The following RIOK3 variants were observed in gnomAD, a reference collection of about 807,000 sequenced individuals.
RIOK3 encodes the protein serine/threonine-protein kinase RIO3.
A neutral mutation model predicts 63.5 loss-of-function variants in RIOK3; 40 were observed. The observed-to-expected ratio is 0.63, with a 90% CI of 0.49 to 0.82. The LOEUF is 0.82. Among genes scored for constraint, RIOK3 ranks in the 40% least tolerant of loss-of-function variants. The pLI is 0.00. For missense variants in RIOK3, 557 were observed against 637.0 expected, an observed-to-expected ratio of 0.87 and a Z score of 1.35; for synonymous variants, 193 against 205.0, an observed-to-expected ratio of 0.94 and a Z score of 0.50.
At chr18:23,455,264 G>T (rs2057331389) in intron 1 of RIOK3, among the ~76,000 whole-genome samples, 1 of 151,818 alleles carries the variant, frequency 6.6e-6, no homozygotes, top group African/African-American at 2.4e-5. Context: ...TTGTAGAGAT[G>T]GGATTTCACC....
chr18:23,459,569 G>T (rs1371422851), intron 1 of RIOK3, among the ~76,000 whole-genome samples: 1 of 152,216 alleles, frequency 6.6e-6, no homozygotes, highest in Non-Finnish European at 1.5e-5. Flanking sequence ...CATTGAGACA[G>T]CCTTATAGAG....
rs1203183120 is a variant in RIOK3, at chr18:23,475,097, AAACTCTTCATGT to A, written c.1166_1173+4del. 3 of 1,610,202 alleles carry A rather than the reference AAACTCTTCATGT, an allele frequency of 1.9e-6. No individual in the cohort carries two copies. The highest frequency in any genetic ancestry group is 2.5e-6 in the Non-Finnish European group (3 of 1,178,360). On this transcript the variant is annotated splice_donor_variant and coding_sequence_variant, in exon 9 of 13. Transcript: ENST00000339486. LOFTEE classifies it high-confidence loss of function. The stretch of plus-strand genomic sequence containing the variant: ...GAAGAAATGAAAGAAGCCTACTATC[AAACTCTTCATGT>A]AAGTTGTGCTTTTAAAAGAATTCAC...
At position 23,481,988 on chromosome 18, in the gene RIOK3, A is replaced by C. The variant is rs1193546351; in HGVS notation, c.*709A>C. ...GTCAACTTTCAGCTTTTCTACATTT[A>C]GGTAAAATGGTTAGGATATAACTCA... On this transcript the variant is annotated 3_prime_UTR_variant, in exon 13 of 13. Coordinates refer to ENST00000339486, the MANE Select transcript of RIOK3 (RefSeq NM_003831.5). 1 of 152,242 alleles carries C rather than the reference A, an allele frequency of 6.6e-6. No individual in the cohort carries two copies. Among genetic ancestry groups the C allele is most frequent in the East Asian group, 1.9e-4 (1 of 5,206 alleles). The allele number at this position is 152,242 out of a possible 1,614,324, so 9.4% of individuals were successfully genotyped here.
chr18:23,480,555 G>GCACGCACACA (rs1555621688), intron 12 of RIOK3, among the ~76,000 whole-genome samples: 22 of 142,096 alleles, frequency 1.5e-4, no homozygotes, highest in East Asian at 6.3e-4. Flanking sequence ...TTGGATGCAC[G>GCACGCACACA]CACACACACA....
chr18:23,473,452 G>T lies in RIOK3; in HGVS notation c.839G>T (p.Ser280Ile), dbSNP rs376972912. 15 of 1,609,674 alleles carry T rather than the reference G, an allele frequency of 9.3e-6. No individual in the cohort carries two copies. Among genetic ancestry groups the T allele is most frequent in the Non-Finnish European group, 1.2e-5 (14 of 1,178,082 alleles). The change falls in exon 8 of 13, where the codon AGT (serine) becomes ATT (isoleucine). Residue 280 changes from serine (S) to isoleucine (I), a missense_variant. By Grantham distance (142) the Ser-to-Ile change is moderately radical. This residue lies in a region of RIOK3 where 309 missense variants were observed against 338.7 expected (regional missense o/e 0.91). Coordinates refer to ENST00000339486, the MANE Select transcript of RIOK3 (RefSeq NM_003831.5). Reference sequence around the variant, plus strand: ...AGCATGGAGGATGAAAAGGAAGATAGTAAAGTTATACCTACAGAATGTGCC... The same window carrying T: ...AGCATGGAGGATGAAAAGGAAGATATTAAAGTTATACCTACAGAATGTGCC... ...GGSMEDEKED[S>I]KVIPTECAIK...
At chr18:23,480,345 C>T (rs1185809303) in intron 12 of RIOK3, among the ~76,000 whole-genome samples, 3 of 152,136 alleles carry the variant, frequency 2.0e-5, no homozygotes, top group Non-Finnish European at 4.4e-5. Flanking sequence ...ATTCTTCCAG[C>T]ACAATACAGT....
intron 9 of RIOK3, among the ~76,000 whole-genome samples, chr18:23,475,617 A>G (rs1280877857): frequency 6.6e-6 from 1 of 152,196 alleles, no homozygotes; most frequent in Non-Finnish European, 1.5e-5. Context: ...CAAGAAATAG[A>G]GCAAGACCCT....
At position 23,463,065 on chromosome 18, in the gene RIOK3, T is replaced by C; in HGVS notation, c.165T>C (p.Val55=). ...TGCAGTTAGAAGAAGAAGCTGCCGT[T>C]TTTCCTGAAGTTGCGTAAGTAAAAT... is the stretch of plus-strand genomic sequence containing the variant. ...KELQLEEEAA[V]FPEVAVAEGP... Residue 55 remains valine (V), a synonymous_variant, in exon 2 of 13, where the codon GTT becomes GTC. Transcript: ENST00000339486. 1 of 1,607,460 alleles carries C rather than the reference T, an allele frequency of 6.2e-7. No individual in the cohort carries two copies. Among genetic ancestry groups the C allele is most frequent in the Non-Finnish European group, 8.5e-7 (1 of 1,177,020 alleles).
intron 1 of RIOK3, among the ~76,000 whole-genome samples, chr18:23,454,660 C>G (rs1300678028): frequency 6.6e-6 from 1 of 152,146 alleles, no homozygotes; most frequent in Non-Finnish European, 1.5e-5. Flanking sequence ...CAGAATACAT[C>G]CTAATCTCAG....
rs1222367922 is a variant in RIOK3, at chr18:23,469,460, TTTTC to T, written c.815+1950_815+1953del. Among the ~76,000 whole-genome samples, 14 of 144,876 alleles carry T rather than the reference TTTTC, an allele frequency of 9.7e-5. 1 individual carries two copies. The highest frequency in any genetic ancestry group is 6.6e-4 in the South Asian group (3 of 4,514). ...TCCTCTCTCCTCTCTCTCTCTCTCT[TTTTC>T]TTTCTTTCTTTCTTTTTCTTTCCTT... is the stretch of plus-strand genomic sequence containing the variant. On this transcript the variant is annotated intron_variant, in intron 7 of 12. Coordinates refer to ENST00000339486, the MANE Select transcript of RIOK3 (RefSeq NM_003831.5).
intron 7 of RIOK3, among the ~76,000 whole-genome samples, chr18:23,469,841 A>G (rs879294924): frequency 1.7e-4 from 26 of 152,074 alleles, no homozygotes; most frequent in Non-Finnish European, 3.5e-4. Flanking sequence ...AATTATTCAA[A>G]CAGTAATTTG....
intron 1 of RIOK3, among the ~76,000 whole-genome samples, chr18:23,455,378 CTTTT>C (rs11305782): frequency 2.2e-5 from 3 of 138,822 alleles, no homozygotes; most frequent in African/African-American, 8.0e-5. Flanking sequence ...CAACGTCTTT[CTTTT>C]TTTTTTTTTC....
At chr18:23,466,889 C>T (rs1490993188) in intron 6 of RIOK3, among the ~76,000 whole-genome samples, 3 of 151,668 alleles carry the variant, frequency 2.0e-5, no homozygotes, top group Admixed American at 2.0e-4. Flanking sequence ...TTAGTCCCAG[C>T]TGCTCAGGAG....
chr18:23,461,917 C>G (rs1827283873), intron 1 of RIOK3, among the ~76,000 whole-genome samples: 1 of 151,456 alleles, frequency 6.6e-6, no homozygotes, highest in Non-Finnish European at 1.5e-5. Context: ...TGGCAAAACC[C>G]TATCTCTACT....
At position 23,457,014 on chromosome 18, in the gene RIOK3, T is replaced by G. The variant is rs78268596; in HGVS notation, c.63+3512T>G. ...CGAGAATACCAAGCACACATTCCAT[T>G]GGCCATCAGTGATGATGTCATCACA... is the stretch of plus-strand genomic sequence containing the variant. On this transcript the variant is annotated intron_variant, in intron 1 of 12. Transcript: ENST00000339486. 4.1e-3 allele frequency among the ~76,000 whole-genome samples: 632 copies of G among 152,316 alleles called. 5 individuals carry two copies. Among genetic ancestry groups the G allele is most frequent in the African/African-American group, 0.015 (604 of 41,576 alleles).
intron 1 of RIOK3, among the ~76,000 whole-genome samples, chr18:23,459,209 T>C (rs1007881187): frequency 6.6e-6 from 1 of 152,324 alleles, no homozygotes; most frequent in South Asian, 2.1e-4. Flanking sequence ...GCAGAATTAA[T>C]TGACAGATGG....
intron 1 of RIOK3, among the ~76,000 whole-genome samples, chr18:23,461,355 A>G (rs2057371170): frequency 6.6e-6 from 1 of 152,236 alleles, no homozygotes; most frequent in African/African-American, 2.4e-5. Flanking sequence ...AATAAAAAAG[A>G]TTTTGAGTAA....
intron 7 of RIOK3, among the ~76,000 whole-genome samples, chr18:23,471,597 G>A (rs117710819): frequency 8.5e-4 from 129 of 152,310 alleles, no homozygotes; most frequent in Non-Finnish European, 1.5e-3. Context: ...CAGTTAAAAC[G>A]TTGTAGTAGT....
In RIOK3 at chr18:23,470,553, G is replaced by A. The variant is rs73967107; in HGVS notation, c.816-2876G>A. ...GCATTTATGATAGTTATTGCCTCTG[G>A]TGAGTTAAGATGGGGAATGGTAATC... On this transcript the variant is annotated intron_variant, in intron 7 of 12. Coordinates refer to ENST00000339486, the MANE Select transcript of RIOK3 (RefSeq NM_003831.5). Among the ~76,000 whole-genome samples the A allele has an allele frequency of 2.6e-3, 402 of 152,238 alleles. 3 individuals carry two copies. The highest frequency in any genetic ancestry group is 9.2e-3 in the African/African-American group (383 of 41,534).
Sources: allele counts gnomAD v4.1 joint callset (sites outside exome capture counted in the v4.1 genomes callset), GRCh38; gene constraint gnomAD v4.1.1; regional missense constraint gnomAD v4.1.1; transcripts MANE v1.5; gene names NCBI Gene and HGNC (gene_info 2026-07-23, HGNC 2026-07-21).